KCNH5: variants seen among roughly 807,000 people sequenced by gnomAD.
KCNH5 encodes potassium voltage-gated channel subfamily H member 5, also known as voltage-gated delayed rectifier potassium channel KCNH5.
A neutral mutation model predicts 96.1 loss-of-function variants in KCNH5; 46 were observed. That is an observed-to-expected ratio of 0.48 (90% CI 0.38 to 0.61). The LOEUF (loss-of-function observed/expected upper bound fraction) is 0.61. Among genes scored for constraint, KCNH5 ranks in the 20% least tolerant of loss-of-function variants. The probability of loss-of-function intolerance (pLI) is 0.00; values close to 1 mark genes in which losing one functional copy is unlikely to be tolerated. For missense variants in KCNH5, 907 were observed against 1,225.8 expected (o/e 0.74, Z 3.88); for synonymous variants, 439 against 449.8 (o/e 0.98, Z 0.30).
chr14:62,910,910 C>CACACACACAT (rs1889137900), intron 7 of KCNH5, among the ~76,000 whole-genome samples: 1 of 131,842 alleles, frequency 7.6e-6, no homozygotes, highest in South Asian at 2.8e-4. Flanking sequence ...CACACACACA[C>CACACACACAT]ACACACACAC....
At chr14:62,812,180 A>C (rs1886886092) in intron 8 of KCNH5, among the ~76,000 whole-genome samples, 1 of 152,150 alleles carries the variant, frequency 6.6e-6, no homozygotes, top group African/African-American at 2.4e-5. Context: ...GGTTCTCTGT[A>C]CTAAAAAAAT....
At chr14:62,860,352 A>G (rs538441377) in intron 7 of KCNH5, among the ~76,000 whole-genome samples, 2 of 152,206 alleles carry the variant, frequency 1.3e-5, no homozygotes, top group South Asian at 2.1e-4. Context: ...AAGTAAATTC[A>G]TTTTCTTTAT....
intron 8 of KCNH5, among the ~76,000 whole-genome samples, chr14:62,807,203 ACT>A (rs1253399031): frequency 6.6e-6 from 1 of 152,082 alleles, no homozygotes; most frequent in African/African-American, 2.4e-5. Context: ...GTTGGATTAG[ACT>A]CTGTCAAAGA....
intron 7 of KCNH5, among the ~76,000 whole-genome samples, chr14:62,919,342 G>C (rs188937450): frequency 6.6e-6 from 1 of 152,160 alleles, no homozygotes; most frequent in Non-Finnish European, 1.5e-5. Flanking sequence ...TACTTCCCTA[G>C]AGATAATATT....
intron 1 of KCNH5, among the ~76,000 whole-genome samples, chr14:63,032,309 G>A (rs1891644060): frequency 6.6e-6 from 1 of 151,962 alleles, no homozygotes; most frequent in South Asian, 2.1e-4. Context: ...GTGCAGGCAA[G>A]ACTACAAACC....
chr14:62,836,235 C>T (rs1887464820), intron 8 of KCNH5, among the ~76,000 whole-genome samples: 1 of 152,016 alleles, frequency 6.6e-6, no homozygotes, highest in Admixed American at 6.6e-5. Context: ...TGTACCTGTA[C>T]AAATGAAAGC....
At chr14:62,849,610 C>T (rs963058097) in intron 8 of KCNH5, 43 bp downstream of exon 8, 1 of 1,513,900 alleles carries the variant, frequency 6.6e-7, no homozygotes, top group African/African-American at 1.4e-5. Context: ...ATCTGAAGAT[C>T]CTACTAAAAT....
chr14:62,894,838 C>G (rs771417593), intron 7 of KCNH5, among the ~76,000 whole-genome samples: 1 of 152,204 alleles, frequency 6.6e-6, no homozygotes, highest in Non-Finnish European at 1.5e-5. Context: ...GCTCAATAAA[C>G]TTTTCAGATA....
chr14:62,822,660 C>T (rs755447090), intron 8 of KCNH5, among the ~76,000 whole-genome samples: 1 of 135,720 alleles, frequency 7.4e-6, no homozygotes, highest in East Asian at 2.1e-4. Context: ...AAGTGTACTA[C>T]GTAAAATGAA....
At chr14:62,950,004 A>T in intron 7 of KCNH5, 129 bp downstream of exon 7, 1 of 738,162 alleles carries the variant, frequency 1.4e-6, no homozygotes, top group Non-Finnish European at 2.2e-6. Context: ...GATTAAAAAA[A>T]ACAATTGCAA....
chr14:63,034,169 C>T (rs1400245269), intron 1 of KCNH5, among the ~76,000 whole-genome samples: 8 of 152,114 alleles, frequency 5.3e-5, no homozygotes, highest in African/African-American at 1.2e-4. Flanking sequence ...CCGCCTGCCT[C>T]GGCCTTCCAA....
At chr14:62,874,339 T>C (rs557249869) in intron 7 of KCNH5, among the ~76,000 whole-genome samples, 1 of 152,290 alleles carries the variant, frequency 6.6e-6, no homozygotes, top group African/African-American at 2.4e-5. Context: ...AGAAGACATT[T>C]ATGCAGCAAA....
rs77566161 is a variant in KCNH5 at position 63,024,457 on chromosome 14, A to C, written c.74-7503T>G. 7.6e-3 allele frequency among the ~76,000 whole-genome samples: 1,163 copies of C among 152,086 alleles called. 4 individuals are homozygous for C. Among genetic ancestry groups the C allele is most frequent in the Middle Eastern group, 0.031 (9 of 294 alleles). On this transcript the variant is annotated intron_variant, in intron 1 of 10. Coordinates refer to ENST00000322893, the MANE Select transcript of KCNH5 (RefSeq NM_139318.5). Reference sequence around the variant, plus strand: ...ATTTGAGCAGAAATAAATGAAACAGAGACTAGAAAAACAACTTTAAAAGGT... The same window carrying C: ...ATTTGAGCAGAAATAAATGAAACAGCGACTAGAAAAACAACTTTAAAAGGT...
At chr14:62,905,520 CA>C (rs1889010859) in intron 7 of KCNH5, among the ~76,000 whole-genome samples, 1 of 152,116 alleles carries the variant, frequency 6.6e-6, no homozygotes, top group African/African-American at 2.4e-5. Context: ...AGAAGGATGA[CA>C]AATGTTAGGT....
At chr14:63,044,206 T>C (rs115036685) in intron 1 of KCNH5, among the ~76,000 whole-genome samples, 2,182 of 152,284 alleles carry the variant, frequency 0.014, 55 homozygotes, top group African/African-American at 0.049. Context: ...TTTAAAATTA[T>C]ACAAAAGAAT....
At chr14:62,773,643 T>C (rs973447363) in intron 10 of KCNH5, among the ~76,000 whole-genome samples, 8 of 152,240 alleles carry the variant, frequency 5.3e-5, no homozygotes, top group Admixed American at 2.6e-4. Flanking sequence ...AATTCCTCTC[T>C]TATCCTATTT....
chr14:62,959,185 C>A, intron 6 of KCNH5, among the ~76,000 whole-genome samples: 1 of 152,054 alleles, frequency 6.6e-6, no homozygotes, highest in East Asian at 1.9e-4. Flanking sequence ...ATAATTCCCC[C>A]ATTTACCCAC....
intron 7 of KCNH5, among the ~76,000 whole-genome samples, chr14:62,909,427 C>A (rs373150184): frequency 6.6e-6 from 1 of 152,122 alleles, no homozygotes. Flanking sequence ...TAATTATGAG[C>A]AACATTGTAA....
At chr14:62,731,666 T>G (rs1330325694) in intron 10 of KCNH5, among the ~76,000 whole-genome samples, 3 of 152,238 alleles carry the variant, frequency 2.0e-5, no homozygotes, top group African/African-American at 7.2e-5. Flanking sequence ...ACCTGAACTT[T>G]ATGAAATAGT....
Sources: gnomAD v4.1 joint callset for allele counts (sites outside exome capture counted in the v4.1 genomes callset) on GRCh38, gnomAD v4.1.1 for gene constraint, MANE v1.5 for transcripts, NCBI Gene and HGNC (gene_info 2026-07-23, HGNC 2026-07-21) for gene names.